AK8: variants seen among roughly 807,000 people sequenced by gnomAD.
The protein encoded by AK8 is ATP-AMP transphosphorylase 8.
In AK8, 44 loss-of-function variants were observed where a neutral mutation model predicts 54.6. The ratio of observed to expected loss-of-function variants is 0.81; its 90% CI spans 0.63 to 1.04. The LOEUF is 1.04. Among genes scored for constraint, AK8 ranks in the 50% least tolerant of loss-of-function variants. The pLI, the probability that AK8 is intolerant of heterozygous loss-of-function variation, is 0.00. For synonymous variants in AK8, 239 were observed against 245.6 expected (o/e 0.97, Z 0.25); for missense variants, 555 against 613.6 (o/e 0.90, Z 1.01).
Position 132,849,136 on chromosome 9 carries a change from T to C in AK8, c.402+5721A>G, listed in dbSNP as rs190906486. Among the ~76,000 whole-genome samples, 51 of 152,206 alleles carry C rather than the reference T, an allele frequency of 3.4e-4. No individual in the cohort carries two copies. In the East Asian group the frequency reaches 8.5e-3, roughly 25 times the overall value. ...TGTTAGCCAGGATGGTCTCAATCTTTGGATCTCATGATCCGCCTGTCTCAG... is the reference window on the plus strand; with the variant it reads ...TGTTAGCCAGGATGGTCTCAATCTTCGGATCTCATGATCCGCCTGTCTCAG... On this transcript the variant is annotated intron_variant, in intron 5 of 12. Transcript: ENST00000298545.
intron 5 of AK8, among the ~76,000 whole-genome samples, chr9:132,853,805 A>AAAAG: frequency 6.6e-6 from 1 of 151,174 alleles, no homozygotes; most frequent in Admixed American, 6.6e-5. Context: ...AAAAAAAAAA[A>AAAAG]AAAGTAAACA....
Position 132,812,256 on chromosome 9 carries a change from C to G in AK8, c.979+2382G>C, listed in dbSNP as rs1841051786. Among the ~76,000 whole-genome samples the G allele has an allele frequency of 4.6e-5, 5 of 109,768 alleles. No individual in the cohort carries two copies. In the Admixed American group the frequency reaches 6.0e-4, roughly 13 times the overall value. 72.0% of individuals were successfully genotyped at this position (109,768 alleles called of 152,430 possible). On this transcript the variant is annotated intron_variant, in intron 10 of 12. Coordinates refer to ENST00000298545, the MANE Select transcript of AK8 (RefSeq NM_152572.3). ...TTTTTTTTTTTTTTTTTTTTTGAGA[C>G]TGAGTCTCACTCTGTCACCCAGGCA...
At chr9:132,843,019 C>A (rs753855936) in intron 5 of AK8, among the ~76,000 whole-genome samples, 2 of 152,176 alleles carry the variant, frequency 1.3e-5, no homozygotes, top group African/African-American at 2.4e-5. Flanking sequence ...CTCACCTTTG[C>A]CACATTCAGC....
chr9:132,772,991 G>C (rs757405202), intron 11 of AK8, among the ~76,000 whole-genome samples: 49 of 152,122 alleles, frequency 3.2e-4, no homozygotes, highest in Non-Finnish European at 5.9e-4. Flanking sequence ...CCACCCACTA[G>C]GTATCTTTTT....
intron 2 of AK8, among the ~76,000 whole-genome samples, chr9:132,868,972 A>G (rs1376084469): frequency 1.3e-5 from 2 of 152,188 alleles, no homozygotes; most frequent in Non-Finnish European, 2.9e-5. Context: ...TGAGGTCAGG[A>G]GTTCGAGACC....
chr9:132,846,955 C>T (rs535515199), intron 5 of AK8, among the ~76,000 whole-genome samples: 12 of 152,358 alleles, frequency 7.9e-5, no homozygotes, highest in Admixed American at 3.9e-4. Flanking sequence ...CAGGCTCAGA[C>T]GCATGCTCCA....
rs773631697 is a variant in AK8, at chr9:132,875,161, A to G, written c.123T>C (p.Asp41=). The G allele has an allele frequency of 6.2e-7, 1 of 1,613,952 alleles. No individual in the cohort carries two copies. The highest frequency in any genetic ancestry group is 1.3e-5 in the African/African-American group (1 of 74,886). The change falls in exon 2 of 13, where the codon GAT becomes GAC. Residue 41 remains aspartate (D), a synonymous_variant. Coordinates refer to ENST00000298545, the MANE Select transcript of AK8 (RefSeq NM_152572.3). The part of the protein sequence containing the change: ...LEQLLIHQPE[D]PIPFMIQHLH... ...AGTGCTGGATCATGAAGGGGATGGG[A>G]TCTTCGGGCTGGTGGATCAGGAGTT...
chr9:132,746,715 A>G (rs1837670414), intron 11 of AK8, among the ~76,000 whole-genome samples: 1 of 152,238 alleles, frequency 6.6e-6, no homozygotes, highest in Non-Finnish European at 1.5e-5. Flanking sequence ...TGAGGTCTAC[A>G]AGAATGCCTT....
rs145248265 is a variant in AK8, at chr9:132,854,914, G to T, written c.345C>A (p.Ser115Arg). Reference protein sequence around the residue: ...RLYLQRKTVPSALLVQLIQER... With the variant: ...RLYLQRKTVPRALLVQLIQER... ...CCTGAATCAGCTGGACGAGCAGCGC[G>T]CTGGGAACTGTCTGAAGGAAAAAGG... is the stretch of plus-strand genomic sequence containing the variant. Residue 115 changes from serine to arginine, a missense_variant, in exon 5 of 13, where the codon AGC (serine) becomes AGA (arginine). Ser to Arg is a moderately radical substitution (Grantham distance 110). Coordinates refer to ENST00000298545, the MANE Select transcript of AK8 (RefSeq NM_152572.3). The T allele has an allele frequency of 2.5e-6, 4 of 1,613,904 alleles. No homozygotes were observed. The highest frequency in any genetic ancestry group is 3.4e-6 in the Non-Finnish European group (4 of 1,179,926).
intron 11 of AK8, among the ~76,000 whole-genome samples, chr9:132,747,032 A>G (rs1199031339): frequency 6.6e-6 from 1 of 152,232 alleles, no homozygotes; most frequent in Non-Finnish European, 1.5e-5. Flanking sequence ...CAGTATTCTC[A>G]ATGCATATAT....
chr9:132,855,622 A>T (rs930340271), intron 4 of AK8, among the ~76,000 whole-genome samples: 1 of 152,244 alleles, frequency 6.6e-6, no homozygotes, highest in Non-Finnish European at 1.5e-5. Context: ...CCAGCAGACC[A>T]AATGGTATCA....
At chr9:132,769,438 C>A (rs1483295542) in intron 11 of AK8, 1 of 152,190 alleles carries the variant, frequency 6.6e-6, no homozygotes, top group Non-Finnish European at 1.5e-5. Flanking sequence ...GAACACTTTC[C>A]CGGGAGGGAC....
At chr9:132,730,923 T>C (rs1217307099) in intron 11 of AK8, among the ~76,000 whole-genome samples, 6 of 152,170 alleles carry the variant, frequency 3.9e-5, no homozygotes, top group Non-Finnish European at 7.3e-5. Flanking sequence ...CTGCATGCTG[T>C]CCTCACACTC....
At chr9:132,792,561 C>T in intron 11 of AK8, 73 bp downstream of exon 11, 2 of 1,496,222 alleles carry the variant, frequency 1.3e-6, no homozygotes, top group South Asian at 1.3e-5. Context: ...AACCTGGACC[C>T]CTTCAGCTGA....
At position 132,813,331 on chromosome 9, in the gene AK8, G is replaced by A. The variant is rs372096738; in HGVS notation, c.979+1307C>T. On this transcript the variant is annotated intron_variant, in intron 10 of 12. Transcript: ENST00000298545. The stretch of plus-strand genomic sequence containing the variant: ...GGGAGGGCTGGCCAGGACATCTCCC[G>A]GGGAGGCCCAAGCAGAGGATGGCTG... Among the ~76,000 whole-genome samples, 409 of 152,210 alleles carry A rather than the reference G, an allele frequency of 2.7e-3. 11 individuals are homozygous for A. In the South Asian group the frequency reaches 0.075, roughly 28 times the overall value.
chr9:132,815,518 G>A (rs415259), intron 9 of AK8, among the ~76,000 whole-genome samples: 30,853 of 151,524 alleles, frequency 0.2, 3,434 homozygotes, highest in East Asian at 0.44. Context: ...GCGTCACTGC[G>A]CTCCAGTCTG....
At position 132,828,015 on chromosome 9, in the gene AK8, C is replaced by G. The variant is rs1298413514; in HGVS notation, c.554G>C (p.Gly185Ala). The change falls in exon 7 of 13, where the codon GGA (glycine) becomes GCA (alanine). Residue 185 changes from glycine to alanine, a missense_variant and splice_region_variant. Coordinates refer to ENST00000298545, the MANE Select transcript of AK8 (RefSeq NM_152572.3). The part of the protein sequence containing the change: ...NLGKRIDPQT[G>A]EIYHTTFDWP... Reference sequence around the variant, plus strand: ...GGTGGGGGTGGCCGTAGCCATACCTCCAGTTTGAGGGTCGATTCTCTTCCC... The same window carrying G: ...GGTGGGGGTGGCCGTAGCCATACCTGCAGTTTGAGGGTCGATTCTCTTCCC... 15 of 1,563,558 alleles carry G rather than the reference C, an allele frequency of 9.6e-6. No homozygotes were observed. The highest frequency in any genetic ancestry group is 1.3e-5 in the Non-Finnish European group (15 of 1,152,950).
intron 11 of AK8, among the ~76,000 whole-genome samples, chr9:132,774,533 A>G (rs1444184937): frequency 6.6e-6 from 1 of 152,176 alleles, no homozygotes; most frequent in Non-Finnish European, 1.5e-5. Context: ...TATGCCTGTA[A>G]GGAAGATGGA....
In AK8 at chr9:132,725,578, CTG is replaced by C; in HGVS notation, c.*108_*109del. 1 of 1,022,264 alleles carries C rather than the reference CTG, an allele frequency of 9.8e-7. No homozygotes were observed. 63.3% of individuals were successfully genotyped at this position (1,022,264 alleles called of 1,614,324 possible). ...CACCTCACCTTCAGGACGTACGAGA[CTG>C]TATCCAGCAGGCTTTATTGGCTTTT... On this transcript the variant is annotated 3_prime_UTR_variant, in exon 13 of 13. Transcript: ENST00000298545.
Sources: gnomAD v4.1 joint callset for allele counts (sites outside exome capture counted in the v4.1 genomes callset) on GRCh38, gnomAD v4.1.1 for gene constraint, MANE v1.5 for transcripts, NCBI Gene and HGNC (gene_info 2026-07-23, HGNC 2026-07-21) for gene names.